OR6J1: variants seen among roughly 807,000 people sequenced by gnomAD.
The protein encoded by OR6J1 is olfactory receptor 6J1.
For synonymous variants in OR6J1, 109 were observed against 70.0 expected (o/e 1.56, Z -2.78); for missense variants, 304 against 166.8 (o/e 1.82, Z -4.53).
intron 1 of OR6J1, among the ~76,000 whole-genome samples, chr14:22,635,965 A>G (rs187620782): frequency 1.1e-3 from 166 of 152,266 alleles, no homozygotes; most frequent in African/African-American, 3.8e-3. Context: ...AAGAATTTCT[A>G]TTTATTAAAA....
At chr14:22,641,037 C>A (rs1007668473) in intron 1 of OR6J1, among the ~76,000 whole-genome samples, 1 of 150,848 alleles carries the variant, frequency 6.6e-6, no homozygotes, top group Non-Finnish European at 1.5e-5. Flanking sequence ...GGCATGGTGC[C>A]ATGCAGCTGT....
At chr14:22,641,459 AAG>A (rs1555311038) in intron 1 of OR6J1, among the ~76,000 whole-genome samples, 52,455 of 121,536 alleles carry the variant, frequency 0.43, 13,703 homozygotes, top group East Asian at 0.66. Flanking sequence ...GAAAGAAAGA[AAG>A]AAAGAAAAAG....
chr14:22,641,005 T>A (rs1489102287), intron 1 of OR6J1, among the ~76,000 whole-genome samples: 1 of 150,840 alleles, frequency 6.6e-6, no homozygotes, highest in Non-Finnish European at 1.5e-5. Context: ...TCTGCCTCTA[T>A]GAAAAATACA....
At chr14:22,641,421 G>A (rs1264184841) in intron 1 of OR6J1, among the ~76,000 whole-genome samples, 3 of 121,006 alleles carry the variant, frequency 2.5e-5, no homozygotes, top group Admixed American at 9.1e-5. Context: ...AAGGAAGGAA[G>A]AGAAAGAAAG....
rs1424561294 is a variant in OR6J1, at chr14:22,640,917, C to G, written c.-28+3181G>C. Among the ~76,000 whole-genome samples, 6 of 151,170 alleles carry G rather than the reference C, an allele frequency of 4.0e-5. 1 individual carries two copies. The highest frequency in any genetic ancestry group is 8.9e-5 in the Non-Finnish European group (6 of 67,656). The stretch of plus-strand genomic sequence containing the variant: ...GGCATGGTGGCTAACGCGTGTAATC[C>G]CAGCACTATGGAAGGCCGAGGTGGG... On this transcript the variant is annotated intron_variant, in intron 1 of 1. Transcript: ENST00000540461.
In OR6J1 at chr14:22,641,210, T is replaced by TAAGAAAGAAAGAAAGA. The variant is rs992658481; in HGVS notation, c.-28+2872_-28+2887dup. Among the ~76,000 whole-genome samples, 136 of 122,570 alleles carry TAAGAAAGAAAGAAAGA rather than the reference T, an allele frequency of 1.1e-3. 1 individual carries two copies. The highest frequency in any genetic ancestry group is 2.0e-3 in the Admixed American group (22 of 11,090). The allele number at this position is 122,570 out of a possible 152,430, so 80.4% of individuals were successfully genotyped here. The stretch of plus-strand genomic sequence containing the variant: ...AGAGAGACAGAGAGGGAGAGAAAGA[T>TAAGAAAGAAAGAAAGA]AAGAAAGAAAGAAAGAAAGAAAGAA... On this transcript the variant is annotated intron_variant, in intron 1 of 1. Transcript: ENST00000540461.
At position 22,634,763 on chromosome 14, in the gene OR6J1, A is replaced by T. The variant is rs75056118; in HGVS notation, c.49T>A (p.Ser17Thr). The part of the protein sequence containing the change: ...AVTEFVLLGF[S>T]LSREVELLLL... Reference sequence around the variant, plus strand: ...AGCAGCTCCACCTCCCTGCTCAGGGAAAACCCCAGCAGAACAAACTCAGTC... The same window carrying T: ...AGCAGCTCCACCTCCCTGCTCAGGGTAAACCCCAGCAGAACAAACTCAGTC... The change falls in exon 2 of 2, where the codon TCC becomes ACC. Residue 17 changes from serine (S) to threonine (T), a missense_variant. Transcript: ENST00000540461. 1 of 703,324 alleles carries T rather than the reference A, an allele frequency of 1.4e-6. No individual in the cohort carries two copies. Among genetic ancestry groups the T allele is most frequent in the Non-Finnish European group, 2.6e-6 (1 of 384,900 alleles). The allele number at this position is 703,324 out of a possible 1,614,324, so 43.6% of individuals were successfully genotyped here.
intron 1 of OR6J1, among the ~76,000 whole-genome samples, chr14:22,635,767 A>G (rs1437004098): frequency 6.6e-6 from 1 of 152,206 alleles, no homozygotes; most frequent in Non-Finnish European, 1.5e-5. Flanking sequence ...TTGATTCCCA[A>G]TCTCATATCA....
intron 1 of OR6J1, among the ~76,000 whole-genome samples, chr14:22,643,322 G>A (rs974795767): frequency 1.4e-5 from 2 of 141,444 alleles, no homozygotes; most frequent in African/African-American, 5.3e-5. Flanking sequence ...TTGAGACAGG[G>A]TCTCACTCTG....
rs539460101 is a variant in OR6J1, at chr14:22,631,290, G to A, written c.*2478C>T. On this transcript the variant is annotated 3_prime_UTR_variant, in exon 2 of 2. Coordinates refer to ENST00000540461, the MANE Select transcript of OR6J1 (RefSeq NM_001348233.2). The stretch of plus-strand genomic sequence containing the variant: ...TTCCTAATAAGCCTGGGAGCGCTAT[G>A]GGAGACTGGGGTCTATTTGACCCCT... 1.3e-5 allele frequency: 2 copies of A among 152,286 alleles called. No individual in the cohort carries two copies. Among genetic ancestry groups the A allele is most frequent in the South Asian group, 2.1e-4 (1 of 4,818 alleles). 9.4% of individuals were successfully genotyped at this position (152,286 alleles called of 1,614,324 possible). A position where few individuals can be genotyped will look rare whatever the true frequency, so the allele number is the denominator to read the frequency against.
In OR6J1 at chr14:22,634,511, A is replaced by G. The variant is rs1051163513; in HGVS notation, c.301T>C (p.Tyr101His). ...ACTGTGCCCAAGAAAAAGTAGAAAT[A>G]GCACTGGGTGATACATCCGGCAAAG... ...ISFAGCITQC[Y>H]FYFFLGTVEF... The change falls in exon 2 of 2, where the codon TAT (tyrosine) becomes CAT (histidine). Residue 101 changes from tyrosine (Y) to histidine (H), a missense_variant. Transcript: ENST00000540461. The G allele has an allele frequency of 2.8e-6, 2 of 703,542 alleles. No homozygotes were observed. The highest frequency in any genetic ancestry group is 5.2e-6 in the Non-Finnish European group (2 of 384,950). The allele number at this position is 703,542 out of a possible 1,614,324, so 43.6% of individuals were successfully genotyped here.
At chr14:22,639,263 G>T (rs1286265320) in intron 1 of OR6J1, among the ~76,000 whole-genome samples, 1 of 123,444 alleles carries the variant, frequency 8.1e-6, no homozygotes, top group Admixed American at 7.3e-5. Flanking sequence ...CAGGCCAGCC[G>T]CCCCGTCCGG....
rs529700654 is a variant in OR6J1 at position 22,644,242 on chromosome 14, A to G, written c.-172T>C. 1 of 152,394 alleles carries G rather than the reference A, an allele frequency of 6.6e-6. No homozygotes were observed. Among genetic ancestry groups the G allele is most frequent in the East Asian group, 1.9e-4 (1 of 5,192 alleles). The allele number at this position is 152,394 out of a possible 1,614,324, so 9.4% of individuals were successfully genotyped here. A position where few individuals can be genotyped will look rare whatever the true frequency, so the allele number is the denominator to read the frequency against. On this transcript the variant is annotated 5_prime_UTR_variant, in exon 1 of 2. Coordinates refer to ENST00000540461, the MANE Select transcript of OR6J1 (RefSeq NM_001348233.2). ...AGAGCAGCAGTGTTTGACAGGTGAA[A>G]TGAGCCCTTCCCAACTCATGTGGAT...
At position 22,641,526 on chromosome 14, in the gene OR6J1, A is replaced by AG. The variant is rs1491130570; in HGVS notation, c.-28+2571dup. On this transcript the variant is annotated intron_variant, in intron 1 of 1. Coordinates refer to ENST00000540461, the MANE Select transcript of OR6J1 (RefSeq NM_001348233.2). ...AGGAAAGAAAGGAGGGAGGGAAGAAAGAAGGAAAGAAAGAAGGAAGGAAGA... is the reference window on the plus strand; with the variant it reads ...AGGAAAGAAAGGAGGGAGGGAAGAAAGGAAGGAAAGAAAGAAGGAAGGAAGA... 8.2e-5 allele frequency among the ~76,000 whole-genome samples: 8 copies of AG among 97,858 alleles called. 1 individual carries two copies. The highest frequency in any genetic ancestry group is 2.9e-4 in the African/African-American group (8 of 27,354). 64.2% of individuals were successfully genotyped at this position (97,858 alleles called of 152,430 possible). A position where few individuals can be genotyped will look rare whatever the true frequency, so the allele number is the denominator to read the frequency against.
chr14:22,637,867 G>C lies in OR6J1; in HGVS notation c.-27-3029C>G, dbSNP rs79496057. Among the ~76,000 whole-genome samples the C allele has an allele frequency of 1.7e-3, 53 of 30,880 alleles. 1 individual carries two copies. The highest frequency in any genetic ancestry group is 2.8e-3 in the Non-Finnish European group (46 of 16,430). 20.3% of individuals were successfully genotyped at this position (30,880 alleles called of 152,430 possible). On this transcript the variant is annotated intron_variant, in intron 1 of 1. Transcript: ENST00000540461. ...CCCGTCCGGGAGGGAGGCGGGGGGG[G>C]TGGGGTCGGCCAGCCGCCCTGTCCG...
intron 1 of OR6J1, among the ~76,000 whole-genome samples, chr14:22,637,640 G>GA (rs2037601892): frequency 1.4e-5 from 1 of 71,150 alleles, no homozygotes; most frequent in Admixed American, 1.1e-4. Flanking sequence ...AGGTGGGGGG[G>GA]TCAGCCCCCC....
intron 1 of OR6J1, among the ~76,000 whole-genome samples, chr14:22,638,549 A>G (rs2037613678): frequency 3.0e-5 from 3 of 99,760 alleles, no homozygotes. Flanking sequence ...TAGGAAAACC[A>G]GAGACCTTTG....
chr14:22,638,685 T>TAAAAAAAAAAAA (rs1566396382), intron 1 of OR6J1, among the ~76,000 whole-genome samples: 1 of 139,652 alleles, frequency 7.2e-6, no homozygotes, highest in African/African-American at 3.2e-5. Context: ...TAAAAAAAAT[T>TAAAAAAAAAAAA]AAGACACTAG....
At chr14:22,643,229 A>G (rs1425217566) in intron 1 of OR6J1, among the ~76,000 whole-genome samples, 1 of 151,838 alleles carries the variant, frequency 6.6e-6, no homozygotes, top group Non-Finnish European at 1.5e-5. Context: ...CGGCCTCCCA[A>G]AGTGCTGGGA....
Sources: gnomAD v4.1 joint callset for allele counts (sites outside exome capture counted in the v4.1 genomes callset) on GRCh38, gnomAD v4.1.1 for gene constraint, MANE v1.5 for transcripts, NCBI Gene and HGNC (gene_info 2026-07-23, HGNC 2026-07-21) for gene names.